Variants in PLD1 observed in about 807,000 individuals in gnomAD.
PLD1 encodes the protein phospholipase D1, also known as choline phosphatase 1.
A neutral mutation model predicts 137.1 loss-of-function variants in PLD1; 112 were observed. That is an observed-to-expected ratio of 0.82 (90% CI 0.70 to 0.96). The LOEUF (loss-of-function observed/expected upper bound fraction) is 0.96, where lower values mean the gene tolerates loss of function less well. Among genes scored for constraint, PLD1 ranks in the 40% least tolerant of loss-of-function variants. The pLI, the probability that PLD1 is intolerant of heterozygous loss-of-function variation, is 0.00. For synonymous variants in PLD1, 431 were observed against 454.7 expected (o/e 0.95, Z 0.66); for missense variants, 1,321 against 1,342.0 (o/e 0.98, Z 0.24).
At chr3:171,656,356 A>G (rs549637759) in intron 21 of PLD1, among the ~76,000 whole-genome samples, 286 of 152,190 alleles carry the variant, frequency 1.9e-3, no homozygotes, top group African/African-American at 6.7e-3. Context: ...CTATTAGTAG[A>G]GACAGAGTTT....
Position 171,601,863 on chromosome 3 carries a change from G to A in PLD1, c.*1215C>T, listed in dbSNP as rs942383225. 3.9e-5 allele frequency: 6 copies of A among 152,146 alleles called. No homozygotes were observed. Among genetic ancestry groups the A allele is most frequent in the Admixed American group, 2.0e-4 (3 of 15,272 alleles). 9.4% of individuals were successfully genotyped at this position (152,146 alleles called of 1,614,324 possible). On this transcript the variant is annotated 3_prime_UTR_variant, in exon 27 of 27. Transcript: ENST00000351298. ...TTTATCAAAGGGTACTCTAACATCC[G>A]AAAAGGAAAAACACGTTTCCAGACT...
At chr3:171,665,192 A>AT (rs1711988354) in intron 19 of PLD1, among the ~76,000 whole-genome samples, 1 of 152,210 alleles carries the variant, frequency 6.6e-6, no homozygotes, top group East Asian at 1.9e-4. Flanking sequence ...AGTCTAATAG[A>AT]TTCAGAGTGG....
intron 8 of PLD1, among the ~76,000 whole-genome samples, chr3:171,715,128 T>C (rs374860613): frequency 1.6e-4 from 25 of 152,194 alleles, no homozygotes; most frequent in African/African-American, 5.1e-4. Context: ...TTTATAAGAG[T>C]TCTTATAACA....
chr3:171,602,929 G>C lies in PLD1; in HGVS notation c.*149C>G. 1 of 618,788 alleles carries C rather than the reference G, an allele frequency of 1.6e-6. No individual in the cohort carries two copies. Among genetic ancestry groups the C allele is most frequent in the East Asian group, 2.7e-5 (1 of 36,826 alleles). The allele number at this position is 618,788 out of a possible 1,614,324, so 38.3% of individuals were successfully genotyped here. A position where few individuals can be genotyped will look rare whatever the true frequency, so the allele number is the denominator to read the frequency against. ...ATGTTTACAGTCCTTACATCAATGT[G>C]ACTGCAGCCCTCCCCAGTCATTCCA... On this transcript the variant is annotated 3_prime_UTR_variant, in exon 27 of 27. Coordinates refer to ENST00000351298, the MANE Select transcript of PLD1 (RefSeq NM_002662.5).
chr3:171,730,566 G>A (rs1264228067), intron 6 of PLD1, among the ~76,000 whole-genome samples: 1 of 151,674 alleles, frequency 6.6e-6, no homozygotes, highest in East Asian at 1.9e-4. Context: ...GAAAAATAAT[G>A]TCAGTGCTTA....
At chr3:171,678,536 G>A (rs990362479) in intron 16 of PLD1, among the ~76,000 whole-genome samples, 4 of 152,034 alleles carry the variant, frequency 2.6e-5, no homozygotes, top group African/African-American at 7.2e-5. Flanking sequence ...AATCACAAAC[G>A]CAGCACTTGG....
At chr3:171,692,666 G>A (rs761613410) in intron 12 of PLD1, among the ~76,000 whole-genome samples, 9 of 151,876 alleles carry the variant, frequency 5.9e-5, no homozygotes, top group Admixed American at 2.6e-4. Flanking sequence ...GATTACAGTC[G>A]CATGCCACCA....
At chr3:171,613,047 G>A (rs536157557) in intron 24 of PLD1, among the ~76,000 whole-genome samples, 3 of 152,258 alleles carry the variant, frequency 2.0e-5, no homozygotes, top group African/African-American at 4.8e-5. Context: ...ACGCATGCCT[G>A]TAGTCCCAGC....
chr3:171,703,760 T>C (rs1204735032), intron 11 of PLD1, among the ~76,000 whole-genome samples: 4 of 152,140 alleles, frequency 2.6e-5, no homozygotes, highest in Non-Finnish European at 4.4e-5. Flanking sequence ...ATTCCTTGAC[T>C]TGGAGGGAAA....
At chr3:171,641,866 A>C (rs1735777140) in intron 23 of PLD1, among the ~76,000 whole-genome samples, 1 of 152,134 alleles carries the variant, frequency 6.6e-6, no homozygotes, top group Admixed American at 6.5e-5. Flanking sequence ...AGGGGCTCAG[A>C]GGGTTTCCAC....
chr3:171,724,755 G>T lies in PLD1; in HGVS notation c.699C>A (p.His233Gln), dbSNP rs1718378396. The T allele has an allele frequency of 6.2e-7, 1 of 1,609,978 alleles. No individual in the cohort carries two copies. The highest frequency in any genetic ancestry group is 8.5e-7 in the Non-Finnish European group (1 of 1,177,266). The change falls in exon 8 of 27, where the codon CAC becomes CAA. Residue 233 changes from histidine (H) to glutamine (Q), a missense_variant. His to Gln is a conservative substitution (Grantham distance 24). Coordinates refer to ENST00000351298, the MANE Select transcript of PLD1 (RefSeq NM_002662.5). Reference sequence around the variant, plus strand: ...CACAGCAATTCAAGCCTGGTATTCTGTGTCCTCCAGATCTTTTCATTATCA... The same window carrying T: ...CACAGCAATTCAAGCCTGGTATTCTTTGTCCTCCAGATCTTTTCATTATCA... ...EGMIMKRSGGHRIPGLNCCGQ... is the reference protein window; with the variant it reads ...EGMIMKRSGGQRIPGLNCCGQ...
In PLD1 at chr3:171,602,899, T is replaced by C; in HGVS notation, c.*179A>G. On this transcript the variant is annotated 3_prime_UTR_variant, in exon 27 of 27. Coordinates refer to ENST00000351298, the MANE Select transcript of PLD1 (RefSeq NM_002662.5). ...TTAGGCAGAAGGAATTATAAAGTCT[T>C]GCTGATGTTTACAGTCCTTACATCA... The C allele has an allele frequency of 1.7e-6, 1 of 597,344 alleles. No individual in the cohort carries two copies. Among genetic ancestry groups the C allele is most frequent in the Non-Finnish European group, 3.0e-6 (1 of 336,190 alleles). The allele number at this position is 597,344 out of a possible 1,614,324, so 37.0% of individuals were successfully genotyped here.
intron 21 of PLD1, among the ~76,000 whole-genome samples, chr3:171,655,773 G>A (rs568494108): frequency 3.9e-5 from 6 of 152,142 alleles, no homozygotes; most frequent in Non-Finnish European, 8.8e-5. Flanking sequence ...ATGCAGAGAC[G>A]CCAGGGGTGA....
intron 1 of PLD1, among the ~76,000 whole-genome samples, chr3:171,750,042 G>A (rs1259948163): frequency 6.6e-6 from 1 of 152,198 alleles, no homozygotes; most frequent in Non-Finnish European, 1.5e-5. Context: ...CAACATGTCA[G>A]TCACAATGTC....
chr3:171,700,669 A>T lies in PLD1; in HGVS notation c.1146-843T>A, dbSNP rs552422796. 3.9e-5 allele frequency among the ~76,000 whole-genome samples: 6 copies of T among 152,326 alleles called. No individual in the cohort carries two copies. The South Asian group carries it at 6.2e-4, about 16-fold the overall frequency. On this transcript the variant is annotated intron_variant, in intron 11 of 26. Coordinates refer to ENST00000351298, the MANE Select transcript of PLD1 (RefSeq NM_002662.5). The stretch of plus-strand genomic sequence containing the variant: ...AGCATTCTAATAGATACACAGACAC[A>T]TGACTTCCTATACAAAGAAGCAGCA...
chr3:171,640,075 C>CTAAA (rs1187085723), intron 23 of PLD1, among the ~76,000 whole-genome samples: 6 of 151,878 alleles, frequency 4.0e-5, no homozygotes, highest in Non-Finnish European at 7.4e-5. Context: ...GTCAGTCCAC[C>CTAAA]TAAAGTTTGT....
At chr3:171,809,960 T>A (rs574486994) in intron 1 of PLD1, 3 of 152,496 alleles carry the variant, frequency 2.0e-5, no homozygotes, top group Non-Finnish European at 2.9e-5. Flanking sequence ...TCCTGGTTGG[T>A]ACGGGATGCC....
chr3:171,726,115 C>T, intron 6 of PLD1, 39 bp from the exon 7 acceptor site: 1 of 1,431,872 alleles, frequency 7.0e-7, no homozygotes, highest in Non-Finnish European at 9.9e-7. Flanking sequence ...GCAAGCAAAA[C>T]AATTCAAATT....
intron 21 of PLD1, among the ~76,000 whole-genome samples, chr3:171,654,722 GA>G (rs1737050268): frequency 6.6e-6 from 1 of 152,142 alleles, no homozygotes; most frequent in Non-Finnish European, 1.5e-5. Flanking sequence ...AGCTGTCAAA[GA>G]AAGGTTTCAA....
Sources: gnomAD v4.1 joint callset for allele counts (sites outside exome capture counted in the v4.1 genomes callset) on GRCh38, gnomAD v4.1.1 for gene constraint, MANE v1.5 for transcripts, NCBI Gene and HGNC (gene_info 2026-07-23, HGNC 2026-07-21) for gene names.